Variants in SLC35F1 observed in about 807,000 individuals in gnomAD.
SLC35F1 encodes the protein solute carrier family 35 member F1, also known as chromosome 6 open reading frame 169.
Under a neutral mutation model 48.7 loss-of-function variants are expected in SLC35F1, and 14 were observed. The ratio of observed to expected loss-of-function variants is 0.29; its 90% confidence interval spans 0.19 to 0.45. The LOEUF (loss-of-function observed/expected upper bound fraction) is 0.45. Among genes scored for constraint, SLC35F1 ranks in the 20% least tolerant of loss-of-function variants. SLC35F1 has a pLI of 1.00. For synonymous variants in SLC35F1, 190 were observed against 202.2 expected (o/e 0.94, Z 0.51); for missense variants, 404 against 500.0 (o/e 0.81, Z 1.83).
chr6:118,277,119 C>T (rs1207882049), intron 5 of SLC35F1, among the ~76,000 whole-genome samples: 1 of 152,138 alleles, frequency 6.6e-6, no homozygotes, highest in Non-Finnish European at 1.5e-5. Context: ...GAACCATTGC[C>T]CTAGAAAACA....
At chr6:117,965,676 A>T (rs190880487) in intron 1 of SLC35F1, among the ~76,000 whole-genome samples, 68 of 152,320 alleles carry the variant, frequency 4.5e-4, no homozygotes, top group Non-Finnish European at 8.5e-4. Context: ...CTGACATAAC[A>T]TAGTACCACA....
chr6:118,244,457 T>C (rs7453860), intron 3 of SLC35F1, among the ~76,000 whole-genome samples: 16,544 of 152,360 alleles, frequency 0.11, 1,033 homozygotes, highest in South Asian at 0.17. Flanking sequence ...TGATACTCAT[T>C]TTAAATTACA....
chr6:117,956,172 C>G (rs1776424238), intron 1 of SLC35F1, among the ~76,000 whole-genome samples: 3 of 152,142 alleles, frequency 2.0e-5, no homozygotes, highest in Admixed American at 1.3e-4. Flanking sequence ...GTATTGGATG[C>G]CCCAGGGTAG....
intron 2 of SLC35F1, among the ~76,000 whole-genome samples, chr6:118,219,192 G>A (rs1323319265): frequency 6.6e-6 from 1 of 152,134 alleles, no homozygotes; most frequent in African/African-American, 2.4e-5. Context: ...AAATGTAGTA[G>A]AAGATGATAA....
chr6:118,061,394 T>G (rs2114274274), intron 1 of SLC35F1, among the ~76,000 whole-genome samples: 1 of 152,332 alleles, frequency 6.6e-6, no homozygotes, highest in Middle Eastern at 3.4e-3. Flanking sequence ...ATTGCTTTTC[T>G]TGATGGATTT....
rs1320889166 is a variant in SLC35F1, at chr6:118,317,551, T to C, written c.*3299T>C. ...TGGAAAATACGAACCAAAAAAAAGT[T>C]ACACCGATAAGTTCAACAAACTGTC... On this transcript the variant is annotated 3_prime_UTR_variant, in exon 8 of 8. Coordinates refer to ENST00000360388, the MANE Select transcript of SLC35F1 (RefSeq NM_001029858.4). 6.6e-6 allele frequency: 1 copy of C among 152,218 alleles called. No homozygotes were observed. The highest frequency in any genetic ancestry group is 1.5e-5 in the Non-Finnish European group (1 of 68,038). 9.4% of individuals were successfully genotyped at this position (152,218 alleles called of 1,614,324 possible). A position where few individuals can be genotyped will look rare whatever the true frequency, so the allele number is the denominator to read the frequency against.
intron 1 of SLC35F1, among the ~76,000 whole-genome samples, chr6:118,064,688 A>G (rs1024721883): frequency 2.0e-5 from 3 of 152,330 alleles, no homozygotes; most frequent in Non-Finnish European, 4.4e-5. Context: ...CTATGAATAC[A>G]AATAATAAAG....
chr6:117,958,169 A>T (rs1339504233), intron 1 of SLC35F1, among the ~76,000 whole-genome samples: 1 of 152,190 alleles, frequency 6.6e-6, no homozygotes, highest in African/African-American at 2.4e-5. Context: ...AAAAAATTTT[A>T]AAAATAGGAA....
intron 1 of SLC35F1, among the ~76,000 whole-genome samples, chr6:117,935,901 CA>C (rs1416594912): frequency 6.6e-6 from 1 of 152,144 alleles, no homozygotes; most frequent in Non-Finnish European, 1.5e-5. Flanking sequence ...TAAGTTTTAG[CA>C]AGTAAGCAAC....
intron 1 of SLC35F1, among the ~76,000 whole-genome samples, chr6:118,123,845 G>T (rs1357144661): frequency 6.6e-6 from 1 of 152,140 alleles, no homozygotes; most frequent in Non-Finnish European, 1.5e-5. Flanking sequence ...GTGAACTACA[G>T]AACTTCTTGT....
At chr6:118,148,442 A>G (rs747770351) in intron 1 of SLC35F1, among the ~76,000 whole-genome samples, 18 of 152,222 alleles carry the variant, frequency 1.2e-4, no homozygotes, top group Admixed American at 5.9e-4. Context: ...TCAAAATTCT[A>G]AAGTCTGTTT....
chr6:118,123,966 C>G (rs1280689532), intron 1 of SLC35F1, among the ~76,000 whole-genome samples: 1 of 152,162 alleles, frequency 6.6e-6, no homozygotes. Context: ...GTCCTATACA[C>G]AGCAAATTGG....
chr6:118,211,095 A>G (rs1188789607), intron 2 of SLC35F1, among the ~76,000 whole-genome samples: 1 of 152,208 alleles, frequency 6.6e-6, no homozygotes, highest in Non-Finnish European at 1.5e-5. Context: ...ACAGCCATCT[A>G]CAAGCCAAGA....
intron 1 of SLC35F1, among the ~76,000 whole-genome samples, chr6:117,991,389 C>T (rs1173641231): frequency 6.6e-6 from 1 of 152,002 alleles, no homozygotes; most frequent in Non-Finnish European, 1.5e-5. Context: ...AATCACTCTT[C>T]CTATTTTGGT....
In SLC35F1 at chr6:117,980,122, T is replaced by C. The variant is rs117102408; in HGVS notation, c.173+72223T>C. ...CTTGTCTAGAGCCTCATGTGTAAGATTGCAGACTCTGTTTGTGAGGTGTTC... is the reference window on the plus strand; with the variant it reads ...CTTGTCTAGAGCCTCATGTGTAAGACTGCAGACTCTGTTTGTGAGGTGTTC... On this transcript the variant is annotated intron_variant, in intron 1 of 7. Coordinates refer to ENST00000360388, the MANE Select transcript of SLC35F1 (RefSeq NM_001029858.4). Among the ~76,000 whole-genome samples, 829 of 152,276 alleles carry C rather than the reference T, an allele frequency of 5.4e-3. 6 individuals carry two copies. Among genetic ancestry groups the C allele is most frequent in the Middle Eastern group, 0.027 (8 of 294 alleles).
chr6:118,160,121 A>G (rs1774208763), intron 2 of SLC35F1, among the ~76,000 whole-genome samples: 1 of 152,166 alleles, frequency 6.6e-6, no homozygotes, highest in South Asian at 2.1e-4. Context: ...AGTGGTAGGG[A>G]AAAAATGGGT....
At chr6:118,055,305 A>G (rs1772448265) in intron 1 of SLC35F1, among the ~76,000 whole-genome samples, 1 of 152,186 alleles carries the variant, frequency 6.6e-6, no homozygotes, top group African/African-American at 2.4e-5. Flanking sequence ...TGGTTTATCA[A>G]TGACTCGGTG....
At chr6:117,941,650 T>C (rs1776234678) in intron 1 of SLC35F1, among the ~76,000 whole-genome samples, 1 of 152,260 alleles carries the variant, frequency 6.6e-6, no homozygotes, top group Non-Finnish European at 1.5e-5. Flanking sequence ...ATTATTGATT[T>C]GGTTACTAAT....
chr6:118,276,792 C>T (rs539017287), intron 5 of SLC35F1, among the ~76,000 whole-genome samples: 7 of 152,178 alleles, frequency 4.6e-5, no homozygotes, highest in Middle Eastern at 3.4e-3. Context: ...TTGAGTGTTC[C>T]CTTTGGGGGA....
Sources: gnomAD v4.1 joint callset for allele counts (sites outside exome capture counted in the v4.1 genomes callset) on GRCh38, gnomAD v4.1.1 for gene constraint, MANE v1.5 for transcripts, NCBI Gene and HGNC (gene_info 2026-07-23, HGNC 2026-07-21) for gene names.